The following RSPH9 variants were observed in gnomAD, a reference collection of about 807,000 sequenced individuals.
The protein encoded by RSPH9 is radial spoke head component 9.
A neutral mutation model predicts 27.0 loss-of-function variants in RSPH9; 27 were observed. The observed-to-expected ratio is 1.00, with a 90% CI of 0.74 to 1.38. RSPH9 has a LOEUF of 1.38. RSPH9 is among the 40% of genes most tolerant of loss of function. The pLI is 0.00. For missense variants in RSPH9, 347 were observed against 357.4 expected (o/e 0.97, Z 0.24); for synonymous variants, 145 against 147.7 (o/e 0.98, Z 0.13).
In RSPH9 at chr6:43,650,486, C is replaced by A; in HGVS notation, c.339C>A (p.His113Gln). The change falls in exon 2 of 5, where the codon CAC becomes CAA. Residue 113 changes from histidine (H) to glutamine (Q), a missense_variant. Coordinates refer to ENST00000372163, the MANE Select transcript of RSPH9 (RefSeq NM_152732.5). Reference protein sequence around the residue: ...FMGDPSYEYEHTELQKVNEGE... With the variant: ...FMGDPSYEYEQTELQKVNEGE... ...GGGACCCATCATACGAATATGAACA[C>A]ACTGAGCTGCAGAAGGTGAATGAAG... The A allele has an allele frequency of 6.2e-7, 1 of 1,614,148 alleles. No homozygotes were observed. Among genetic ancestry groups the A allele is most frequent in the Non-Finnish European group, 8.5e-7 (1 of 1,180,032 alleles).
In RSPH9 at chr6:43,671,851, G is replaced by T. The variant is rs142429428; in HGVS notation, c.*902G>T. 1.3e-5 allele frequency: 21 copies of T among 1,613,866 alleles called. No homozygotes were observed. Among genetic ancestry groups the T allele is most frequent in the Non-Finnish European group, 1.7e-5 (20 of 1,179,958 alleles). On this transcript the variant is annotated 3_prime_UTR_variant, in exon 5 of 5. Coordinates refer to ENST00000372163, the MANE Select transcript of RSPH9 (RefSeq NM_152732.5). ...ACGGGCATGCGCACCCTGTTCCAGC[G>T]GGGGCCTTTTTTGTAGATGGGCTTG...
At chr6:43,663,006 C>T (rs1437541956) in intron 4 of RSPH9, among the ~76,000 whole-genome samples, 3 of 151,684 alleles carry the variant, frequency 2.0e-5, no homozygotes, top group South Asian at 2.1e-4. Flanking sequence ...CTGTGTTGCT[C>T]GGGCTGGTTT....
intron 1 of RSPH9, among the ~76,000 whole-genome samples, chr6:43,649,652 C>T (rs1383398290): frequency 1.3e-5 from 2 of 151,970 alleles, no homozygotes; most frequent in Non-Finnish European, 2.9e-5. Flanking sequence ...TGAGTGCTCC[C>T]GAAGGCCTCA....
chr6:43,654,457 G>T (rs1429164857), intron 2 of RSPH9, among the ~76,000 whole-genome samples: 1 of 152,148 alleles, frequency 6.6e-6, no homozygotes, highest in Non-Finnish European at 1.5e-5. Context: ...GAAGGCTGAG[G>T]CAGGGAGACT....
intron 1 of RSPH9, 60 bp downstream of exon 1, chr6:43,645,385 G>A: frequency 1.8e-6 from 2 of 1,131,374 alleles, no homozygotes; most frequent in Non-Finnish European, 2.6e-6. Flanking sequence ...AGGGCGGGGT[G>A]GGCGGGTCGC....
In RSPH9 at chr6:43,671,279, T is replaced by C. The variant is rs116495290; in HGVS notation, c.*330T>C. The C allele has an allele frequency of 3.7e-3, 1,793 of 482,900 alleles. 24 individuals carry two copies. The highest frequency in any genetic ancestry group is 0.029 in the African/African-American group (1,502 of 51,620). 29.9% of individuals were successfully genotyped at this position (482,900 alleles called of 1,614,324 possible). A position where few individuals can be genotyped will look rare whatever the true frequency, so the allele number is the denominator to read the frequency against. On this transcript the variant is annotated 3_prime_UTR_variant, in exon 5 of 5. Transcript: ENST00000372163. ...AGCCCACCTTGGCTCCCTGCAGCTC[T>C]CCCACAGTAAGGAGCTCACAGCTGT...
At chr6:43,666,388 G>A (rs1429782754) in intron 4 of RSPH9, 2 of 1,496,380 alleles carry the variant, frequency 1.3e-6, no homozygotes, top group South Asian at 2.4e-5. Context: ...TTTGGCAGCT[G>A]TTTTCTGGCC....
chr6:43,666,553 C>A, intron 4 of RSPH9: 1 of 1,392,178 alleles, frequency 7.2e-7, no homozygotes, highest in Non-Finnish European at 9.9e-7. Context: ...TGTCCCTTGG[C>A]CAAAGTGACA....
At position 43,672,107 on chromosome 6, in the gene RSPH9, G is replaced by C. The variant is rs1188099117; in HGVS notation, c.*1158G>C. The C allele has an allele frequency of 1.5e-6, 1 of 650,398 alleles. No individual in the cohort carries two copies. Among genetic ancestry groups the C allele is most frequent in the African/African-American group, 1.8e-5 (1 of 54,626 alleles). 40.3% of individuals were successfully genotyped at this position (650,398 alleles called of 1,614,324 possible). On this transcript the variant is annotated 3_prime_UTR_variant, in exon 5 of 5. Coordinates refer to ENST00000372163, the MANE Select transcript of RSPH9 (RefSeq NM_152732.5). Reference sequence around the variant, plus strand: ...ACAGATGGGCTGGGCTCTTGCTGCCGCAAGCCTGTGTGGCCAGGTTCAGGC... The same window carrying C: ...ACAGATGGGCTGGGCTCTTGCTGCCCCAAGCCTGTGTGGCCAGGTTCAGGC...
chr6:43,666,536 CGCA>C, intron 4 of RSPH9: 1 of 1,503,398 alleles, frequency 6.7e-7, no homozygotes, highest in South Asian at 1.2e-5. Context: ...CCAACGACTC[CGCA>C]TCTTGTCCCT....
chr6:43,661,886 CATTG>C (rs1772667638), intron 4 of RSPH9, among the ~76,000 whole-genome samples: 1 of 152,128 alleles, frequency 6.6e-6, no homozygotes, highest in Non-Finnish European at 1.5e-5. Context: ...CATGAACTAA[CATTG>C]ATTGATTGAC....
Position 43,671,683 on chromosome 6 carries a change from G to A in RSPH9, c.*734G>A. ...CGTGGTGGGGTGGGACAGGAGTATA[G>A]TTGTGGCCAAGGGCTTGTGAGTGGG... On this transcript the variant is annotated 3_prime_UTR_variant, in exon 5 of 5. Transcript: ENST00000372163. The A allele has an allele frequency of 1.3e-6, 2 of 1,554,232 alleles. No individual in the cohort carries two copies.
chr6:43,645,085 G>T lies in RSPH9; in HGVS notation c.-14G>T. Reference sequence around the variant, plus strand: ...CTAGCAACTCGACGGGCGTTGAGCGGAGCCGCTGACCTGATGGACGCCGAC... The same window carrying T: ...CTAGCAACTCGACGGGCGTTGAGCGTAGCCGCTGACCTGATGGACGCCGAC... On this transcript the variant is annotated 5_prime_UTR_variant, in exon 1 of 5. Coordinates refer to ENST00000372163, the MANE Select transcript of RSPH9 (RefSeq NM_152732.5). The T allele has an allele frequency of 6.2e-7, 1 of 1,608,124 alleles. No individual in the cohort carries two copies. The highest frequency in any genetic ancestry group is 8.5e-7 in the Non-Finnish European group (1 of 1,178,932).
intron 4 of RSPH9, among the ~76,000 whole-genome samples, chr6:43,662,659 G>A (rs1032170562): frequency 1.3e-5 from 2 of 152,204 alleles, no homozygotes; most frequent in African/African-American, 4.8e-5. Flanking sequence ...GAGCCACCAC[G>A]CCTGGCCGGC....
chr6:43,645,064 C>T lies in RSPH9; in HGVS notation c.-35C>T, dbSNP rs761743421. On this transcript the variant is annotated 5_prime_UTR_variant, in exon 1 of 5. Coordinates refer to ENST00000372163, the MANE Select transcript of RSPH9 (RefSeq NM_152732.5). ...TCTCCATGGAGGCGGCTTCTCCTAG[C>T]AACTCGACGGGCGTTGAGCGGAGCC... is the stretch of plus-strand genomic sequence containing the variant. 6.3e-7 allele frequency: 1 copy of T among 1,584,426 alleles called. No individual in the cohort carries two copies. Among genetic ancestry groups the T allele is most frequent in the Non-Finnish European group, 8.6e-7 (1 of 1,160,694 alleles).
intron 2 of RSPH9, among the ~76,000 whole-genome samples, chr6:43,654,842 T>A (rs909446491): frequency 6.6e-6 from 1 of 151,266 alleles, no homozygotes; most frequent in Admixed American, 6.6e-5. Flanking sequence ...TAAATAAAAA[T>A]AATAATAAAA....
chr6:43,650,775 A>G (rs1486424939), intron 2 of RSPH9, among the ~76,000 whole-genome samples: 2 of 151,928 alleles, frequency 1.3e-5, no homozygotes, highest in Admixed American at 6.6e-5. Flanking sequence ...GTGTGGTGGC[A>G]GGCACCTGTA....
chr6:43,661,022 CACA>C (rs1346930112), intron 4 of RSPH9, among the ~76,000 whole-genome samples: 6 of 152,160 alleles, frequency 3.9e-5, no homozygotes, highest in African/African-American at 1.4e-4. Context: ...TCCATCAGAG[CACA>C]ACATTAATCT....
chr6:43,652,733 T>G (rs1771613346), intron 2 of RSPH9, among the ~76,000 whole-genome samples: 1 of 148,644 alleles, frequency 6.7e-6, no homozygotes, highest in African/African-American at 2.5e-5. Context: ...ACTTCCGGTT[T>G]TTTTTTTTTT....
Sources: gnomAD v4.1 joint callset for allele counts (sites outside exome capture counted in the v4.1 genomes callset) on GRCh38, gnomAD v4.1.1 for gene constraint, MANE v1.5 for transcripts, NCBI Gene and HGNC (gene_info 2026-07-23, HGNC 2026-07-21) for gene names.